The following VPS13B variants were observed in gnomAD, a reference collection of about 807,000 sequenced individuals.
VPS13B encodes intermembrane lipid transfer protein VPS13B.
Under a neutral mutation model 426.4 loss-of-function variants are expected in VPS13B, and 285 were observed. That is an observed-to-expected ratio of 0.67 (90% CI 0.61 to 0.74). The LOEUF (loss-of-function observed/expected upper bound fraction) is 0.74, where lower values mean the gene tolerates loss of function less well. Among genes scored for constraint, VPS13B ranks in the 30% least tolerant of loss-of-function variants. VPS13B has a pLI of 0.00. For synonymous variants in VPS13B, 1,676 were observed against 1,676.4 expected, an observed-to-expected ratio of 1.00 and a Z score of 0.01; for missense variants, 4,537 against 4,782.6, an observed-to-expected ratio of 0.95 and a Z score of 1.51.
intron 19 of VPS13B, among the ~76,000 whole-genome samples, chr8:99,335,943 G>C (rs1399187773): frequency 6.6e-6 from 1 of 152,100 alleles, no homozygotes; most frequent in Non-Finnish European, 1.5e-5. Flanking sequence ...TACTGCCCAA[G>C]GTAATTTATA....
At chr8:99,487,431 T>C (rs1042346452) in intron 25 of VPS13B, among the ~76,000 whole-genome samples, 3 of 152,208 alleles carry the variant, frequency 2.0e-5, no homozygotes, top group Non-Finnish European at 4.4e-5. Flanking sequence ...TTGGTGATTT[T>C]TTTAAATTGT....
chr8:99,560,478 CAG>C (rs1452643214), intron 31 of VPS13B, among the ~76,000 whole-genome samples: 9 of 152,122 alleles, frequency 5.9e-5, no homozygotes, highest in African/African-American at 2.2e-4. Context: ...GTCCTGAGGA[CAG>C]AGATCATCGC....
At chr8:99,620,054 CA>C (rs1828284342) in intron 33 of VPS13B, among the ~76,000 whole-genome samples, 1 of 151,622 alleles carries the variant, frequency 6.6e-6, no homozygotes, top group Non-Finnish European at 1.5e-5. Flanking sequence ...GTGCTATCCC[CA>C]AATAGTTATT....
chr8:99,664,906 A>G (rs372606494), intron 35 of VPS13B, among the ~76,000 whole-genome samples: 2 of 152,186 alleles, frequency 1.3e-5, no homozygotes, highest in East Asian at 3.9e-4. Context: ...GACTTCCACA[A>G]TGGTTTAACT....
intron 33 of VPS13B, among the ~76,000 whole-genome samples, chr8:99,631,421 T>C (rs1264581177): frequency 6.6e-6 from 1 of 152,134 alleles, no homozygotes; most frequent in Non-Finnish European, 1.5e-5. Flanking sequence ...GACAACATAA[T>C]TGAACTAGAG....
At chr8:99,226,206 T>A (rs1188067028) in intron 17 of VPS13B, among the ~76,000 whole-genome samples, 1 of 152,200 alleles carries the variant, frequency 6.6e-6, no homozygotes, top group Non-Finnish European at 1.5e-5. Flanking sequence ...ATAGAGTCTC[T>A]CATACCTCCT....
intron 35 of VPS13B, among the ~76,000 whole-genome samples, chr8:99,689,682 C>A (rs1486062752): frequency 6.6e-6 from 1 of 152,160 alleles, no homozygotes; most frequent in Non-Finnish European, 1.5e-5. Context: ...GTTAAGCAAG[C>A]AGCCAGAGTT....
At chr8:99,091,124 G>A (rs1380612782) in intron 3 of VPS13B, among the ~76,000 whole-genome samples, 2 of 152,214 alleles carry the variant, frequency 1.3e-5, no homozygotes, top group Non-Finnish European at 2.9e-5. Context: ...CAGTATCATG[G>A]GTCGGGGGCT....
chr8:99,871,790 G>C, intron 61 of VPS13B, 93 bp downstream of exon 61: 1 of 1,599,530 alleles, frequency 6.3e-7, no homozygotes, highest in South Asian at 1.1e-5. Flanking sequence ...CTGAGCTGCA[G>C]CCTCTGGAGT....
chr8:99,358,863 T>C (rs1812337445), intron 19 of VPS13B, among the ~76,000 whole-genome samples: 1 of 152,204 alleles, frequency 6.6e-6, no homozygotes, highest in Non-Finnish European at 1.5e-5. Flanking sequence ...TACATGCAAA[T>C]TTTGATGATT....
chr8:99,149,870 A>G (rs1435882137), intron 14 of VPS13B, among the ~76,000 whole-genome samples: 2 of 152,048 alleles, frequency 1.3e-5, no homozygotes, highest in African/African-American at 4.8e-5. Context: ...CTAGGTTGGC[A>G]CTCCTTATGA....
intron 39 of VPS13B, among the ~76,000 whole-genome samples, chr8:99,756,198 G>A (rs899251256): frequency 2.6e-5 from 4 of 152,162 alleles, no homozygotes; most frequent in South Asian, 4.1e-4. Context: ...ATTGAAAAGT[G>A]TAATAACTGA....
At chr8:99,089,195 AT>A (rs1323178401) in intron 3 of VPS13B, among the ~76,000 whole-genome samples, 5 of 152,174 alleles carry the variant, frequency 3.3e-5, no homozygotes, top group Admixed American at 6.6e-5. Context: ...ATATTCTTGC[AT>A]TCATAGAGTC....
At chr8:99,053,818 T>C (rs1452030703) in intron 3 of VPS13B, among the ~76,000 whole-genome samples, 2 of 151,968 alleles carry the variant, frequency 1.3e-5, no homozygotes, top group Non-Finnish European at 2.9e-5. Context: ...TTCTCCTGCC[T>C]CAGCCTCCTG....
chr8:99,747,797 G>GT (rs938801015), intron 39 of VPS13B, among the ~76,000 whole-genome samples: 1 of 151,666 alleles, frequency 6.6e-6, no homozygotes, highest in Non-Finnish European at 1.5e-5. Flanking sequence ...TCTTTCTGAG[G>GT]TTTTTTGTTT....
At position 99,057,136 on chromosome 8, in the gene VPS13B, C is replaced by A. The variant is rs536899164; in HGVS notation, c.291+18570C>A. Among the ~76,000 whole-genome samples the A allele has an allele frequency of 9.9e-5, 15 of 151,888 alleles. No homozygotes were observed. The South Asian group carries it at 3.1e-3, about 32-fold the overall frequency. On this transcript the variant is annotated intron_variant, in intron 3 of 61. Coordinates refer to ENST00000357162, the MANE Select transcript of VPS13B (RefSeq NM_152564.5). The stretch of plus-strand genomic sequence containing the variant: ...TTGGGTGGATTCCTTTAGATTTCCT[C>A]CATAAATAATAATACCACCTACATA...
At chr8:99,190,764 T>C (rs1475511699) in intron 16 of VPS13B, among the ~76,000 whole-genome samples, 1 of 152,210 alleles carries the variant, frequency 6.6e-6, no homozygotes, top group African/African-American at 2.4e-5. Flanking sequence ...CTCTGAACTA[T>C]GTTGTTATGA....
intron 3 of VPS13B, among the ~76,000 whole-genome samples, chr8:99,068,725 G>A (rs559014689): frequency 6.6e-6 from 1 of 152,154 alleles, no homozygotes. Context: ...TGGGGGGAAT[G>A]CCACACTTTA....
At chr8:99,566,606 C>A (rs1426565738) in intron 31 of VPS13B, among the ~76,000 whole-genome samples, 1 of 152,080 alleles carries the variant, frequency 6.6e-6, no homozygotes, top group East Asian at 1.9e-4. Context: ...CCACGCCCAG[C>A]TGATTTTTGT....
Sources: gnomAD v4.1 joint callset for allele counts (sites outside exome capture counted in the v4.1 genomes callset) on GRCh38, gnomAD v4.1.1 for gene constraint, MANE v1.5 for transcripts, NCBI Gene and HGNC (gene_info 2026-07-23, HGNC 2026-07-21) for gene names.